The following ILKAP variants were observed in gnomAD, a reference collection of about 807,000 sequenced individuals.
The protein encoded by ILKAP is integrin-linked kinase-associated serine/threonine phosphatase 2C.
Under a neutral mutation model 49.1 loss-of-function variants are expected in ILKAP, and 11 were observed. That is an observed-to-expected ratio of 0.22 (90% CI 0.14 to 0.37). ILKAP has a LOEUF of 0.37. Among genes scored for constraint, ILKAP ranks in the 10% least tolerant of loss-of-function variants. The pLI, the probability that ILKAP is intolerant of heterozygous loss-of-function variation, is 1.00. For missense variants in ILKAP, 363 were observed against 510.8 expected, an observed-to-expected ratio of 0.71 and a Z score of 2.79; for synonymous variants, 186 against 192.8, an observed-to-expected ratio of 0.96 and a Z score of 0.29.
chr2:238,192,490 G>A (rs1694173749), intron 3 of ILKAP, among the ~76,000 whole-genome samples: 1 of 152,020 alleles, frequency 6.6e-6, no homozygotes, highest in African/African-American at 2.4e-5. Context: ...ACGAAGTCAG[G>A]AGATGGAAAC....
chr2:238,185,323 C>T (rs890309287), intron 5 of ILKAP, 36 bp from the exon 6 acceptor site: 2 of 1,281,484 alleles, frequency 1.6e-6, no homozygotes, highest in Non-Finnish European at 2.3e-6. Context: ...CAAATTCTCA[C>T]AGCAAAAACC....
intron 1 of ILKAP, among the ~76,000 whole-genome samples, chr2:238,201,710 T>C (rs1324609716): frequency 1.3e-5 from 2 of 152,236 alleles, no homozygotes; most frequent in African/African-American, 2.4e-5. Context: ...TAAAAAGCAA[T>C]GGAGATTTTA....
chr2:238,177,511 C>G (rs865926135), intron 9 of ILKAP, among the ~76,000 whole-genome samples: 2 of 152,184 alleles, frequency 1.3e-5, no homozygotes, highest in Admixed American at 6.5e-5. Flanking sequence ...CCCACACCCC[C>G]CAATAACCAC....
chr2:238,203,054 G>C (rs536421755), intron 1 of ILKAP, among the ~76,000 whole-genome samples: 3 of 152,052 alleles, frequency 2.0e-5, no homozygotes, highest in African/African-American at 7.2e-5. Context: ...CCCGGAACGC[G>C]GCCGTTCCAC....
intron 2 of ILKAP, 192 bp downstream of exon 2, chr2:238,194,613 G>A (rs1694270857): frequency 3.2e-6 from 2 of 623,514 alleles, no homozygotes; most frequent in Admixed American, 3.0e-5. Flanking sequence ...TTTCCTCGCA[G>A]TACTTCTCAG....
At chr2:238,171,306 C>T (rs1444730806) in intron 10 of ILKAP, among the ~76,000 whole-genome samples, 1 of 151,856 alleles carries the variant, frequency 6.6e-6, no homozygotes, top group South Asian at 2.1e-4. Flanking sequence ...ATTACAGGTG[C>T]CCGGCACCAC....
At chr2:238,196,437 G>A (rs1459845243) in intron 1 of ILKAP, among the ~76,000 whole-genome samples, 1 of 152,104 alleles carries the variant, frequency 6.6e-6, no homozygotes, top group Admixed American at 6.5e-5. Flanking sequence ...ATGTTGGCCA[G>A]GTTGGTCTCA....
Position 238,181,955 on chromosome 2 carries a change from G to A in ILKAP, c.836+110C>T, listed in dbSNP as rs140889204. 9.9e-4 allele frequency: 1,147 copies of A among 1,158,172 alleles called. 5 individuals are homozygous for A. The highest frequency in any genetic ancestry group is 4.4e-3 in the African/African-American group (289 of 64,980). The allele number at this position is 1,158,172 out of a possible 1,614,324, so 71.7% of individuals were successfully genotyped here. A position where few individuals can be genotyped will look rare whatever the true frequency, so the allele number is the denominator to read the frequency against. On this transcript the variant is annotated intron_variant, in intron 9 of 11. Coordinates refer to ENST00000254654, the MANE Select transcript of ILKAP (RefSeq NM_030768.3). ...AGTGTTAGATCTCAGACAGAGCCTC[G>A]TCACACTGAAGACTACGTAACAGGG... is the stretch of plus-strand genomic sequence containing the variant.
intron 3 of ILKAP, 86 bp from the exon 4 acceptor site, chr2:238,190,058 C>A: frequency 9.3e-6 from 13 of 1,392,442 alleles, no homozygotes; most frequent in East Asian, 5.2e-5. Context: ...TCCTAGCACT[C>A]AAAGACAAGG....
chr2:238,183,573 C>T (rs1693782716), intron 8 of ILKAP, 80 bp downstream of exon 8: 11 of 1,002,792 alleles, frequency 1.1e-5, no homozygotes, highest in African/African-American at 1.6e-5. Context: ...TCACTTTAAT[C>T]TTATTCAACA....
chr2:238,189,810 A>C (rs774341431), intron 4 of ILKAP, 43 bp downstream of exon 4: 4 of 1,593,550 alleles, frequency 2.5e-6, no homozygotes, highest in African/African-American at 1.4e-5. Context: ...GGTTGTTTTA[A>C]AATATGAAGT....
At position 238,203,621 on chromosome 2, in the gene ILKAP, A is replaced by C; in HGVS notation, c.-68T>G. The C allele has an allele frequency of 1.0e-6, 1 of 982,876 alleles. No homozygotes were observed. The highest frequency in any genetic ancestry group is 1.3e-6 in the Non-Finnish European group (1 of 790,410). The allele number at this position is 982,876 out of a possible 1,614,324, so 60.9% of individuals were successfully genotyped here. On this transcript the variant is annotated 5_prime_UTR_variant, in exon 1 of 12. Coordinates refer to ENST00000254654, the MANE Select transcript of ILKAP (RefSeq NM_030768.3). ...CCCGCGAGCAGCGGCCGGGCTCCACACCCCGGGCGGGCGGCAGCAGCGGGC... is the reference window on the plus strand; with the variant it reads ...CCCGCGAGCAGCGGCCGGGCTCCACCCCCCGGGCGGGCGGCAGCAGCGGGC...
At chr2:238,181,989 A>G in intron 9 of ILKAP, 76 bp downstream of exon 9, 3 of 1,517,146 alleles carry the variant, frequency 2.0e-6, no homozygotes, top group Non-Finnish European at 2.7e-6. Flanking sequence ...GGGAAGTTCT[A>G]CTCCTTGAAG....
chr2:238,181,990 C>T, intron 9 of ILKAP, 75 bp downstream of exon 9: 4 of 1,530,466 alleles, frequency 2.6e-6, no homozygotes, highest in Non-Finnish European at 3.6e-6. Flanking sequence ...GGAAGTTCTA[C>T]TCCTTGAAGG....
chr2:238,199,999 G>A (rs539341513), intron 1 of ILKAP, among the ~76,000 whole-genome samples: 11 of 152,216 alleles, frequency 7.2e-5, no homozygotes, highest in African/African-American at 2.2e-4. Context: ...AATTTTTAAA[G>A]TACTAGTGTA....
intron 9 of ILKAP, among the ~76,000 whole-genome samples, chr2:238,177,852 G>C (rs1441370686): frequency 1.2e-4 from 18 of 152,114 alleles, no homozygotes; most frequent in Non-Finnish European, 2.9e-5. Context: ...TGGAACTGCA[G>C]ATCACATGCT....
intron 3 of ILKAP, among the ~76,000 whole-genome samples, chr2:238,192,027 A>G (rs1694147941): frequency 6.7e-6 from 1 of 149,430 alleles, no homozygotes; most frequent in South Asian, 2.1e-4. Context: ...CCTGGCCAAC[A>G]TGGTGAAACC....
chr2:238,188,071 T>C, intron 5 of ILKAP, 60 bp downstream of exon 5: 1 of 1,583,886 alleles, frequency 6.3e-7, no homozygotes, highest in African/African-American at 1.3e-5. Flanking sequence ...CAGTCCAAAA[T>C]GCCAGTCAGA....
Position 238,170,969 on chromosome 2 carries a change from C to T in ILKAP, c.1012G>A (p.Val338Met), listed in dbSNP as rs138423240. Reference protein sequence around the residue: ...LFKVFTPEEAVNFILSCLEDE... With the variant: ...LFKVFTPEEAMNFILSCLEDE... Reference sequence around the variant, plus strand: ...TCGAGACAGGACAAGATGAAGTTCACGGCTTCTTCTGGGGTAAAGACCTTG... The same window carrying T: ...TCGAGACAGGACAAGATGAAGTTCATGGCTTCTTCTGGGGTAAAGACCTTG... Residue 338 changes from valine to methionine, a missense_variant, in exon 11 of 12, where the codon GTG (valine) becomes ATG (methionine). By Grantham distance (21) the Val-to-Met change is conservative. This residue lies in a region of ILKAP where 83 missense variants were observed against 87.5 expected (regional missense o/e 0.95). Transcript: ENST00000254654. 1.1e-5 allele frequency: 17 copies of T among 1,613,694 alleles called. No homozygotes were observed. The highest frequency in any genetic ancestry group is 3.3e-5 in the South Asian group (3 of 91,080).
Sources: gnomAD v4.1 joint callset for allele counts (sites outside exome capture counted in the v4.1 genomes callset) on GRCh38, gnomAD v4.1.1 for gene constraint, gnomAD v4.1.1 regional missense constraint, MANE v1.5 for transcripts, NCBI Gene and HGNC (gene_info 2026-07-23, HGNC 2026-07-21) for gene names.